DAB2IP: variants seen among roughly 807,000 people sequenced by gnomAD.
The protein encoded by DAB2IP is DAB2 interacting protein, also known as disabled homolog 2-interacting protein.
Under a neutral mutation model 107.2 loss-of-function variants are expected in DAB2IP, and 28 were observed. The observed-to-expected ratio is 0.26, with a 90% confidence interval of 0.19 to 0.36. The LOEUF is 0.36. Among genes scored for constraint, DAB2IP ranks in the 10% least tolerant of loss-of-function variants. DAB2IP has a pLI of 1.00. For missense variants in DAB2IP, 1,400 were observed against 1,644.7 expected, an observed-to-expected ratio of 0.85 and a Z score of 2.57; for synonymous variants, 755 against 706.4, an observed-to-expected ratio of 1.07 and a Z score of -1.09.
At chr9:121,753,447 G>C (rs1833269289) in intron 3 of DAB2IP, among the ~76,000 whole-genome samples, 1 of 152,210 alleles carries the variant, frequency 6.6e-6, no homozygotes, top group Non-Finnish European at 1.5e-5. Flanking sequence ...CCCCAGCCTT[G>C]GGCAGCAGAG....
intron 3 of DAB2IP, among the ~76,000 whole-genome samples, chr9:121,704,692 T>C (rs950570433): frequency 2.6e-5 from 4 of 152,312 alleles, no homozygotes; most frequent in East Asian, 3.9e-4. Context: ...CCTTCTTCTT[T>C]CCACCTTCCT....
chr9:121,692,310 T>TGG (rs1829205366), intron 2 of DAB2IP, among the ~76,000 whole-genome samples: 1 of 152,170 alleles, frequency 6.6e-6, no homozygotes, highest in South Asian at 2.1e-4. Flanking sequence ...TGTGTATGTG[T>TGG]TTGTGTGTGT....
At chr9:121,625,345 T>G (rs1757332) in intron 1 of DAB2IP, among the ~76,000 whole-genome samples, 103,304 of 151,460 alleles carry the variant, frequency 0.68, 36,388 homozygotes, top group Non-Finnish European at 0.77. Flanking sequence ...GTTTAAGCGA[T>G]TCTTGCGCCT....
chr9:121,719,742 T>A (rs1466562571), intron 3 of DAB2IP, among the ~76,000 whole-genome samples: 1 of 152,164 alleles, frequency 6.6e-6, no homozygotes, highest in Non-Finnish European at 1.5e-5. Flanking sequence ...GTTTTAGAGA[T>A]GGGGAAACCA....
intron 14 of DAB2IP, among the ~76,000 whole-genome samples, chr9:121,779,645 C>G (rs558481109): frequency 2.0e-5 from 3 of 152,204 alleles, no homozygotes; most frequent in Non-Finnish European, 4.4e-5. Context: ...TTTCCTTCCC[C>G]GGGTCCTCTG....
At chr9:121,614,298 T>C (rs1297152613) in intron 1 of DAB2IP, among the ~76,000 whole-genome samples, 1 of 151,642 alleles carries the variant, frequency 6.6e-6, no homozygotes, top group Non-Finnish European at 1.5e-5. Context: ...CAGGACCTAA[T>C]GTGTCCAGGA....
chr9:121,588,923 G>A (rs138644029), intron 1 of DAB2IP, among the ~76,000 whole-genome samples: 104 of 151,508 alleles, frequency 6.9e-4, no homozygotes, highest in African/African-American at 2.5e-3. Context: ...AGGGGAGTGA[G>A]ACCTTTACTC....
intron 1 of DAB2IP, among the ~76,000 whole-genome samples, chr9:121,570,992 C>T (rs1319931968): frequency 6.6e-6 from 1 of 152,036 alleles, no homozygotes; most frequent in Non-Finnish European, 1.5e-5. Context: ...AACTCTTCCT[C>T]CTTCACCCCT....
chr9:121,629,908 G>A (rs769916541), intron 1 of DAB2IP, among the ~76,000 whole-genome samples: 33 of 152,156 alleles, frequency 2.2e-4, no homozygotes, highest in Non-Finnish European at 4.3e-4. Context: ...CAGGGCTTCC[G>A]GGACCCAGTG....
chr9:121,750,250 C>T (rs1041807065), intron 3 of DAB2IP, among the ~76,000 whole-genome samples: 5 of 152,236 alleles, frequency 3.3e-5, no homozygotes, highest in African/African-American at 1.2e-4. Flanking sequence ...GCCAGGCACC[C>T]TTGACACTAG....
rs1241606012 is a variant in DAB2IP, at chr9:121,782,896, C to G, written c.*398C>G. 2 of 1,047,666 alleles carry G rather than the reference C, an allele frequency of 1.9e-6. No individual in the cohort carries two copies. The highest frequency in any genetic ancestry group is 9.9e-5 in the Admixed American group (2 of 20,206). 64.9% of individuals were successfully genotyped at this position (1,047,666 alleles called of 1,614,324 possible). Reference sequence around the variant, plus strand: ...GCTTCCTGGAGGGGGGATTCAAGGGCTAGGGGCCTACACCTGTGGCTTCCC... The same window carrying G: ...GCTTCCTGGAGGGGGGATTCAAGGGGTAGGGGCCTACACCTGTGGCTTCCC... On this transcript the variant is annotated 3_prime_UTR_variant, in exon 16 of 16. Transcript: ENST00000408936. The surrounding 1 kb of genome is among the most constrained non-coding windows in gnomAD (Gnocchi z 6.1).
At position 121,636,674 on chromosome 9, in the gene DAB2IP, G is replaced by A. The variant is rs115240761; in HGVS notation, c.41-42004G>A. The stretch of plus-strand genomic sequence containing the variant: ...CCTGTGGGTGCATGGGGCTGAGGAG[G>A]AGCCCTGTCTTCTGCCCAGATCCCC... On this transcript the variant is annotated intron_variant, in intron 1 of 16. Transcript: ENST00000259371. 4.7e-3 allele frequency among the ~76,000 whole-genome samples: 719 copies of A among 152,302 alleles called. 3 individuals are homozygous for A. The highest frequency in any genetic ancestry group is 0.016 in the African/African-American group (685 of 41,554).
chr9:121,651,962 C>A lies in DAB2IP; in HGVS notation c.124+63C>A. 1 of 1,219,438 alleles carries A rather than the reference C, an allele frequency of 8.2e-7. No homozygotes were observed. Among genetic ancestry groups the A allele is most frequent in the South Asian group, 3.4e-5 (1 of 29,242 alleles). 75.5% of individuals were successfully genotyped at this position (1,219,438 alleles called of 1,614,324 possible). On this transcript the variant is annotated intron_variant, in intron 1 of 15. Transcript: ENST00000408936. This position sits in a 1 kb window ranked among gnomAD's most constrained non-coding sequence, Gnocchi z 5.1. Reference sequence around the variant, plus strand: ...TAAGGCCACTAAGCCACCTGATGCCCTGGGATGCTAGGGACCGGGATCCTC... The same window carrying A: ...TAAGGCCACTAAGCCACCTGATGCCATGGGATGCTAGGGACCGGGATCCTC...
intron 14 of DAB2IP, among the ~76,000 whole-genome samples, chr9:121,777,040 T>A (rs550064447): frequency 6.6e-6 from 1 of 152,162 alleles, no homozygotes; most frequent in Non-Finnish European, 1.5e-5. Context: ...AGGCCCCATG[T>A]TGGTGCCTCC....
chr9:121,756,186 G>A (rs1833463820), intron 3 of DAB2IP, among the ~76,000 whole-genome samples: 1 of 152,190 alleles, frequency 6.6e-6, no homozygotes, highest in South Asian at 2.1e-4. Flanking sequence ...CCTAACCCTA[G>A]AGCAGGTGTC....
At chr9:121,660,997 G>T (rs910075797) in intron 1 of DAB2IP, among the ~76,000 whole-genome samples, 2 of 152,156 alleles carry the variant, frequency 1.3e-5, no homozygotes, top group Non-Finnish European at 2.9e-5. Context: ...TCCTTACAGC[G>T]AGAGGAGTGG....
chr9:121,725,035 C>T (rs1372871850), intron 3 of DAB2IP, among the ~76,000 whole-genome samples: 1 of 152,162 alleles, frequency 6.6e-6, no homozygotes, highest in Non-Finnish European at 1.5e-5. Flanking sequence ...CCAGCCACTC[C>T]CAAAGACCAG....
chr9:121,602,106 A>G (rs780176269), intron 1 of DAB2IP, among the ~76,000 whole-genome samples: 1 of 152,038 alleles, frequency 6.6e-6, no homozygotes, highest in Non-Finnish European at 1.5e-5. Flanking sequence ...GCACTAAGGT[A>G]CTCTTAGGAA....
intron 3 of DAB2IP, among the ~76,000 whole-genome samples, chr9:121,719,910 C>G (rs1830826883): frequency 2.0e-5 from 3 of 152,198 alleles, no homozygotes; most frequent in Non-Finnish European, 2.9e-5. Context: ...GCCCTGTAGT[C>G]TACTCCCCAA....
Sources: allele counts gnomAD v4.1 joint callset (sites outside exome capture counted in the v4.1 genomes callset), GRCh38; gene constraint gnomAD v4.1.1; non-coding constraint Gnocchi (gnomAD v3.1); transcripts MANE v1.5; gene names NCBI Gene and HGNC (gene_info 2026-07-23, HGNC 2026-07-21).